Variants in GPATCH8 observed in about 807,000 individuals in gnomAD.
The protein encoded by GPATCH8 is G-patch domain containing 8.
In GPATCH8, 18 loss-of-function variants were observed where a neutral mutation model predicts 118.3. That is an observed-to-expected ratio of 0.15 (90% CI 0.11 to 0.23). The LOEUF (loss-of-function observed/expected upper bound fraction) is 0.23. Ranked by LOEUF, GPATCH8 falls within the 10% of genes least tolerant of loss-of-function variation. GPATCH8 has a pLI of 1.00. For synonymous variants in GPATCH8, 659 were observed against 684.7 expected, an observed-to-expected ratio of 0.96 and a Z score of 0.59; for missense variants, 1,631 against 1,873.8, an observed-to-expected ratio of 0.87 and a Z score of 2.39.
chr17:44,411,406 T>C (rs1280332031), intron 6 of GPATCH8, among the ~76,000 whole-genome samples: 1 of 152,230 alleles, frequency 6.6e-6, no homozygotes, highest in Non-Finnish European at 1.5e-5. Context: ...GCTATGCTTC[T>C]CTCTACCATC....
intron 2 of GPATCH8, among the ~76,000 whole-genome samples, chr17:44,468,122 C>T (rs1246211707): frequency 1.3e-5 from 2 of 151,876 alleles, no homozygotes; most frequent in Non-Finnish European, 2.9e-5. Flanking sequence ...CACGCACCAC[C>T]ACATCCAGCC....
chr17:44,494,369 A>G (rs1050987739), intron 1 of GPATCH8, among the ~76,000 whole-genome samples: 1 of 152,146 alleles, frequency 6.6e-6, no homozygotes, highest in African/African-American at 2.4e-5. Context: ...AGGTGGGTGG[A>G]TTACCTGAGG....
Position 44,399,007 on chromosome 17 carries a change from C to T in GPATCH8, c.3070G>A (p.Asp1024Asn). The part of the protein sequence containing the change: ...SPEERHSGRR[D>N]FIRSKIYRSQ... ...CGGTAGATCTTAGAACGAATGAAGT[C>T]CCGACGCCCAGAATGCCTCTCCTCA... The change falls in exon 8 of 8, where the codon GAC becomes AAC. Residue 1024 changes from aspartate to asparagine, a missense_variant. By Grantham distance (23) the Asp-to-Asn change is conservative. This residue lies in a region of GPATCH8 where 922 missense variants were observed against 879.7 expected (regional missense o/e 1.05). Transcript: ENST00000591680. 2 of 1,614,016 alleles carry T rather than the reference C, an allele frequency of 1.2e-6. No homozygotes were observed. The highest frequency in any genetic ancestry group is 1.7e-6 in the Non-Finnish European group (2 of 1,179,928).
At chr17:44,433,705 G>C (rs566443971) in intron 5 of GPATCH8, among the ~76,000 whole-genome samples, 1 of 152,268 alleles carries the variant, frequency 6.6e-6, no homozygotes, top group East Asian at 1.9e-4. Flanking sequence ...TGAAGCTGAG[G>C]AACTCCAATA....
chr17:44,485,691 C>A (rs1242510162), intron 1 of GPATCH8, among the ~76,000 whole-genome samples: 2 of 152,220 alleles, frequency 1.3e-5, no homozygotes, highest in Non-Finnish European at 2.9e-5. Flanking sequence ...GACCAACTCA[C>A]TTAACTCACT....
At chr17:44,487,197 CT>C (rs1296883457) in intron 1 of GPATCH8, among the ~76,000 whole-genome samples, 2 of 152,166 alleles carry the variant, frequency 1.3e-5, no homozygotes, top group African/African-American at 2.4e-5. Flanking sequence ...AATCACTGAT[CT>C]TTTTACTGTT....
intron 7 of GPATCH8, among the ~76,000 whole-genome samples, chr17:44,405,527 CAG>C (rs2049187924): frequency 7.4e-6 from 1 of 136,052 alleles, no homozygotes; most frequent in African/African-American, 2.8e-5. Flanking sequence ...TTTTTTGAGA[CAG>C]AGTCTTGCTC....
chr17:44,482,707 TA>T (rs999397762), intron 1 of GPATCH8, among the ~76,000 whole-genome samples: 4 of 151,108 alleles, frequency 2.6e-5, no homozygotes, highest in African/African-American at 7.3e-5. Flanking sequence ...AAAGTAAAAT[TA>T]AAAAAAATAT....
Position 44,396,436 on chromosome 17 carries a change from A to C in GPATCH8, c.*1132T>G, listed in dbSNP as rs1232869427. 2.2e-6 allele frequency: 1 copy of C among 454,316 alleles called. No homozygotes were observed. Among genetic ancestry groups the C allele is most frequent in the Non-Finnish European group, 4.4e-6 (1 of 226,808 alleles). The allele number at this position is 454,316 out of a possible 1,614,324, so 28.1% of individuals were successfully genotyped here. On this transcript the variant is annotated 3_prime_UTR_variant, in exon 8 of 8. Coordinates refer to ENST00000591680, the MANE Select transcript of GPATCH8 (RefSeq NM_001002909.4). ...AAAATCCCAATACTGGGGGCACTACATACTGCAAATTACTTAACATTTTGT... is the reference window on the plus strand; with the variant it reads ...AAAATCCCAATACTGGGGGCACTACCTACTGCAAATTACTTAACATTTTGT...
chr17:44,503,254 G>C, intron 1 of GPATCH8, 72 bp downstream of exon 1: 1 of 1,328,808 alleles, frequency 7.5e-7, no homozygotes, highest in Non-Finnish European at 1.1e-6. Flanking sequence ...AAGAGGGCTG[G>C]GAGCCGGAGA....
At chr17:44,495,185 T>C (rs899326611) in intron 1 of GPATCH8, among the ~76,000 whole-genome samples, 1 of 151,976 alleles carries the variant, frequency 6.6e-6, no homozygotes, top group African/African-American at 2.4e-5. Flanking sequence ...AATACAAAAA[T>C]TAGCCAGGCG....
At chr17:44,472,029 C>T (rs1387193455) in intron 2 of GPATCH8, among the ~76,000 whole-genome samples, 1 of 151,376 alleles carries the variant, frequency 6.6e-6, no homozygotes, top group East Asian at 1.9e-4. Flanking sequence ...CTCCCAGATC[C>T]TGTGCCCTAC....
chr17:44,493,789 G>A (rs1598640070), intron 1 of GPATCH8, among the ~76,000 whole-genome samples: 1 of 152,178 alleles, frequency 6.6e-6, no homozygotes, highest in East Asian at 1.9e-4. Flanking sequence ...TCTGCACTAG[G>A]CAAAATAATT....
chr17:44,491,932 A>C (rs1969278290), intron 1 of GPATCH8, among the ~76,000 whole-genome samples: 1 of 152,190 alleles, frequency 6.6e-6, no homozygotes, highest in Non-Finnish European at 1.5e-5. Flanking sequence ...ATGTCCCAGG[A>C]GAAAAAGCCT....
intron 3 of GPATCH8, among the ~76,000 whole-genome samples, chr17:44,462,758 G>A (rs1568024726): frequency 6.6e-6 from 1 of 151,960 alleles, no homozygotes; most frequent in African/African-American, 2.4e-5. Flanking sequence ...CGAGGCGGGC[G>A]GATCACGAGA....
intron 6 of GPATCH8, among the ~76,000 whole-genome samples, chr17:44,414,115 A>ATGTATATGTGTATATATATATG (rs1567955436): frequency 1.2e-5 from 1 of 83,466 alleles, no homozygotes. Flanking sequence ...GTATATATAT[A>ATGTATATGTGTATATATATATG]TGTATATATA....
intron 3 of GPATCH8, among the ~76,000 whole-genome samples, chr17:44,437,186 T>C (rs1357634391): frequency 6.6e-6 from 1 of 152,212 alleles, no homozygotes; most frequent in Non-Finnish European, 1.5e-5. Context: ...CCTTTTAATC[T>C]GGTGCTCTAA....
intron 1 of GPATCH8, among the ~76,000 whole-genome samples, chr17:44,497,191 A>T (rs1213339740): frequency 1.3e-5 from 2 of 152,224 alleles, no homozygotes; most frequent in Non-Finnish European, 2.9e-5. Flanking sequence ...AACCATTTTC[A>T]TTAATAAAAT....
intron 2 of GPATCH8, chr17:44,465,276 C>A (rs1192372677): frequency 2.6e-5 from 4 of 151,970 alleles, no homozygotes. Flanking sequence ...TAGAATGAAA[C>A]AGGCCTAGCA....
Sources: allele counts gnomAD v4.1 joint callset (sites outside exome capture counted in the v4.1 genomes callset), GRCh38; gene constraint gnomAD v4.1.1; regional missense constraint gnomAD v4.1.1; transcripts MANE v1.5; gene names NCBI Gene and HGNC (gene_info 2026-07-23, HGNC 2026-07-21).